The following RBM33 variants were observed in gnomAD, a reference collection of about 807,000 sequenced individuals.
RBM33 encodes the protein RNA binding motif protein 33, also known as RNA-binding protein 33.
In RBM33, 28 loss-of-function variants were observed where a neutral mutation model predicts 132.6. That is an observed-to-expected ratio of 0.21 (90% CI 0.16 to 0.29). The LOEUF is 0.29. RBM33 is among the 10% of genes least tolerant of loss of function. The probability of loss-of-function intolerance (pLI) is 1.00; values close to 1 mark genes in which losing one functional copy is unlikely to be tolerated. For synonymous variants in RBM33, 634 were observed against 593.0 expected (o/e 1.07, Z -1.01); for missense variants, 1,291 against 1,518.5 (o/e 0.85, Z 2.49).
intron 14 of RBM33, among the ~76,000 whole-genome samples, chr7:155,761,734 G>T (rs1355482006): frequency 6.6e-6 from 1 of 151,892 alleles, no homozygotes; most frequent in Non-Finnish European, 1.5e-5. Flanking sequence ...CCAACTTTTG[G>T]TTTCACAGAT....
Position 155,776,139 on chromosome 7 carries a change from A to G in RBM33, c.*1098A>G, listed in dbSNP as rs1039719494. 6.6e-6 allele frequency: 1 copy of G among 152,602 alleles called. No homozygotes were observed. The highest frequency in any genetic ancestry group is 6.5e-5 in the Admixed American group (1 of 15,284). The allele number at this position is 152,602 out of a possible 1,614,324, so 9.5% of individuals were successfully genotyped here. A position where few individuals can be genotyped will look rare whatever the true frequency, so the allele number is the denominator to read the frequency against. ...TTGCGGGTAGGTTCCTGTAGGTGAG[A>G]CATATTCTCCATAAAGCTACTGTAG... On this transcript the variant is annotated 3_prime_UTR_variant, in exon 18 of 18. Coordinates refer to ENST00000401878, the MANE Select transcript of RBM33 (RefSeq NM_053043.3). This position sits in a 1 kb window ranked among gnomAD's most constrained non-coding sequence, Gnocchi z 4.0.
At chr7:155,655,482 CAG>C (rs1753144349) in intron 1 of RBM33, among the ~76,000 whole-genome samples, 1 of 146,686 alleles carries the variant, frequency 6.8e-6, no homozygotes, top group Non-Finnish European at 1.5e-5. Flanking sequence ...GAGACTATGT[CAG>C]AGTGTCTGTG....
In RBM33 at chr7:155,733,681, T is replaced by A. The variant is rs548556659; in HGVS notation, c.1261-3849T>A. On this transcript the variant is annotated intron_variant, in intron 9 of 17. Transcript: ENST00000401878. Reference sequence around the variant, plus strand: ...GGCCCTTAAGTTCTGCAAGAATCCCTGCAGTTGTCAGTCACTGTACGGTAG... The same window carrying A: ...GGCCCTTAAGTTCTGCAAGAATCCCAGCAGTTGTCAGTCACTGTACGGTAG... Among the ~76,000 whole-genome samples, 15 of 152,322 alleles carry A rather than the reference T, an allele frequency of 9.8e-5. No homozygotes were observed. In the East Asian group the frequency reaches 2.9e-3, roughly 29 times the overall value.
chr7:155,687,733 G>C (rs1003062385), intron 5 of RBM33, among the ~76,000 whole-genome samples: 3 of 152,036 alleles, frequency 2.0e-5, no homozygotes, highest in Admixed American at 2.0e-4. Context: ...TTAAATAGGG[G>C]ATCCTTTCCC....
intron 14 of RBM33, 123 bp from the exon 15 acceptor site, chr7:155,763,687 TCA>T (rs1802111478): frequency 2.4e-6 from 2 of 838,142 alleles, no homozygotes; most frequent in Non-Finnish European, 4.0e-6. Context: ...AAGTTTCGAG[TCA>T]CACTTGTTTG....
intron 9 of RBM33, among the ~76,000 whole-genome samples, chr7:155,718,862 A>T (rs998834443): frequency 1.4e-4 from 21 of 152,308 alleles, no homozygotes; most frequent in African/African-American, 5.1e-4. Flanking sequence ...TGTATTTTAA[A>T]AGAACCTCTA....
At chr7:155,742,206 C>A in intron 13 of RBM33, 100 bp downstream of exon 13, 2 of 1,179,116 alleles carry the variant, frequency 1.7e-6, no homozygotes, top group South Asian at 1.8e-5. Flanking sequence ...TTCACAAAAT[C>A]TTCCCACTTT....
intron 5 of RBM33, among the ~76,000 whole-genome samples, chr7:155,692,510 C>CAGAG (rs1330640834): frequency 1.3e-5 from 2 of 152,188 alleles, no homozygotes; most frequent in Admixed American, 1.3e-4. Flanking sequence ...GTTTCCTGTG[C>CAGAG]AGAGAAGTCC....
At chr7:155,715,033 C>T (rs1246983708) in intron 8 of RBM33, among the ~76,000 whole-genome samples, 1 of 152,144 alleles carries the variant, frequency 6.6e-6, no homozygotes, top group East Asian at 1.9e-4. Context: ...CCCCTCCTGA[C>T]CCCATCGCAT....
At chr7:155,736,739 C>G (rs1331742998) in intron 9 of RBM33, among the ~76,000 whole-genome samples, 9 of 152,190 alleles carry the variant, frequency 5.9e-5, no homozygotes, top group Admixed American at 1.3e-4. Context: ...AGCTTCATAG[C>G]TGCAGCTTAC....
chr7:155,691,015 G>C (rs926845235), intron 5 of RBM33, among the ~76,000 whole-genome samples: 1 of 152,162 alleles, frequency 6.6e-6, no homozygotes, highest in Non-Finnish European at 1.5e-5. Context: ...ATGTTGGCCT[G>C]CCTTGCTAGA....
chr7:155,727,930 AT>A (rs111637150), intron 9 of RBM33, among the ~76,000 whole-genome samples: 1 of 151,354 alleles, frequency 6.6e-6, no homozygotes, highest in East Asian at 1.9e-4. Flanking sequence ...TGCCTGGCTA[AT>A]TTTTTTTTGT....
chr7:155,689,344 C>T (rs2116937478), intron 5 of RBM33, among the ~76,000 whole-genome samples: 1 of 152,200 alleles, frequency 6.6e-6, no homozygotes, highest in Middle Eastern at 3.4e-3. Context: ...TTTATTGCGT[C>T]TATTTGATTC....
At chr7:155,651,896 C>T (rs1339087320) in intron 1 of RBM33, among the ~76,000 whole-genome samples, 1 of 152,204 alleles carries the variant, frequency 6.6e-6, no homozygotes, top group Non-Finnish European at 1.5e-5. Flanking sequence ...GGGAGAACCT[C>T]TCCTGGGGCC....
intron 1 of RBM33, among the ~76,000 whole-genome samples, chr7:155,658,376 A>G (rs1407749660): frequency 6.7e-6 from 1 of 149,112 alleles, no homozygotes; most frequent in East Asian, 2.0e-4. Flanking sequence ...TAGGCAGCAT[A>G]TAGTTGGATT....
chr7:155,770,135 G>A (rs1264534570), intron 16 of RBM33, among the ~76,000 whole-genome samples: 1 of 152,232 alleles, frequency 6.6e-6, no homozygotes, highest in African/African-American at 2.4e-5. Context: ...GTGCAGGAGA[G>A]CCCAAACGTT....
intron 9 of RBM33, among the ~76,000 whole-genome samples, chr7:155,733,697 T>C (rs758805866): frequency 2.0e-5 from 3 of 152,220 alleles, no homozygotes; most frequent in Non-Finnish European, 4.4e-5. Context: ...TGTCAGTCAC[T>C]GTACGGTAGG....
chr7:155,735,721 C>CTCTCTG (rs1554481630), intron 9 of RBM33, among the ~76,000 whole-genome samples: 10 of 131,490 alleles, frequency 7.6e-5, no homozygotes, highest in African/African-American at 3.7e-4. Flanking sequence ...CTCTCTCTGT[C>CTCTCTG]TCTCTCTCTC....
intron 14 of RBM33, among the ~76,000 whole-genome samples, chr7:155,762,149 A>G (rs1210119224): frequency 6.6e-6 from 1 of 152,212 alleles, no homozygotes; most frequent in African/African-American, 2.4e-5. Flanking sequence ...CCAGGCAGCC[A>G]TGTGGGGAGA....
Sources: allele counts gnomAD v4.1 joint callset (sites outside exome capture counted in the v4.1 genomes callset), GRCh38; gene constraint gnomAD v4.1.1; non-coding constraint Gnocchi (gnomAD v3.1); transcripts MANE v1.5; gene names NCBI Gene and HGNC (gene_info 2026-07-23, HGNC 2026-07-21).